SUPT3H: variants seen among roughly 807,000 people sequenced by gnomAD.
SUPT3H encodes the protein transcription initiation protein SPT3 homolog.
Under a neutral mutation model 44.3 loss-of-function variants are expected in SUPT3H, and 44 were observed. The observed-to-expected ratio is 0.99, with a 90% CI of 0.78 to 1.28. The LOEUF (loss-of-function observed/expected upper bound fraction) is 1.28, where lower values mean the gene tolerates loss of function less well. Among genes scored for constraint, SUPT3H ranks in the 50% most tolerant of loss-of-function variants. SUPT3H has a pLI of 0.00. For synonymous variants in SUPT3H, 124 were observed against 125.6 expected (o/e 0.99, Z 0.09); for missense variants, 380 against 387.1 (o/e 0.98, Z 0.15).
At chr6:45,287,685 T>C (rs1456011972) in intron 2 of SUPT3H, among the ~76,000 whole-genome samples, 2 of 152,164 alleles carry the variant, frequency 1.3e-5, no homozygotes, top group Non-Finnish European at 1.5e-5. Flanking sequence ...TGGAGATGAA[T>C]AGGTGTAATG....
intron 5 of SUPT3H, among the ~76,000 whole-genome samples, chr6:45,005,607 A>G (rs989404265): frequency 1.1e-4 from 16 of 151,368 alleles, no homozygotes; most frequent in African/African-American, 3.6e-4. Context: ...AGGCTGAGGC[A>G]GGAGAATCGC....
At chr6:44,957,349 C>T (rs775585324) in intron 7 of SUPT3H, among the ~76,000 whole-genome samples, 1 of 152,102 alleles carries the variant, frequency 6.6e-6, no homozygotes, top group Non-Finnish European at 1.5e-5. Context: ...CCCCTTAAAG[C>T]TATCTCCCCA....
chr6:44,898,731 A>G (rs897196086), intron 10 of SUPT3H: 2 of 152,170 alleles, frequency 1.3e-5, no homozygotes, highest in Non-Finnish European at 2.9e-5. Flanking sequence ...CCTGGACTGC[A>G]CAGCGTGACA....
chr6:44,975,906 A>G (rs550575458), intron 6 of SUPT3H, among the ~76,000 whole-genome samples: 7 of 152,318 alleles, frequency 4.6e-5, no homozygotes, highest in African/African-American at 1.4e-4. Flanking sequence ...AAACAATGCC[A>G]CCAGTGTGGG....
intron 2 of SUPT3H, among the ~76,000 whole-genome samples, chr6:45,260,135 T>C (rs1476076150): frequency 7.9e-5 from 12 of 152,188 alleles, no homozygotes. Flanking sequence ...TTATGTTACA[T>C]GGTATAAAAA....
chr6:44,838,501 G>A (rs1022132463), intron 10 of SUPT3H, among the ~76,000 whole-genome samples: 6 of 152,246 alleles, frequency 3.9e-5, no homozygotes, highest in East Asian at 1.9e-4. Context: ...AGTTGGGGAC[G>A]GGAAGGGGAT....
intron 10 of SUPT3H, among the ~76,000 whole-genome samples, chr6:44,905,209 A>C (rs986934314): frequency 6.8e-4 from 104 of 152,290 alleles, no homozygotes; most frequent in Non-Finnish European, 1.1e-3. Flanking sequence ...ACAGCAAAAG[A>C]AACTACCATC....
At chr6:44,994,838 A>G (rs1305071467) in intron 6 of SUPT3H, among the ~76,000 whole-genome samples, 1 of 152,142 alleles carries the variant, frequency 6.6e-6, no homozygotes, top group African/African-American at 2.4e-5. Context: ...GTGAACTTCA[A>G]TATCAAACCT....
chr6:44,963,805 C>T (rs958913196), intron 6 of SUPT3H, among the ~76,000 whole-genome samples: 1 of 151,996 alleles, frequency 6.6e-6, no homozygotes, highest in Non-Finnish European at 1.5e-5. Context: ...TGAGACCATC[C>T]TGGCTAACAC....
At chr6:45,100,388 T>C (rs544080176) in intron 3 of SUPT3H, among the ~76,000 whole-genome samples, 5 of 150,834 alleles carry the variant, frequency 3.3e-5, no homozygotes, top group Middle Eastern at 3.4e-3. Context: ...ATTAAAAAAA[T>C]AGGCAAAAGA....
At chr6:45,229,145 G>C (rs1767489521) in intron 2 of SUPT3H, among the ~76,000 whole-genome samples, 1 of 151,868 alleles carries the variant, frequency 6.6e-6, no homozygotes, top group South Asian at 2.1e-4. Flanking sequence ...TCATGAGTTT[G>C]GTAAAAACTG....
At chr6:45,042,402 C>A (rs1379665725) in intron 3 of SUPT3H, among the ~76,000 whole-genome samples, 2 of 152,158 alleles carry the variant, frequency 1.3e-5, no homozygotes, top group African/African-American at 2.4e-5. Flanking sequence ...CAGCCTGAGG[C>A]ACAAGAGGGA....
chr6:44,883,242 C>T (rs906993239), intron 10 of SUPT3H, among the ~76,000 whole-genome samples: 1 of 150,136 alleles, frequency 6.7e-6, no homozygotes, highest in African/African-American at 2.4e-5. Context: ...TACACAAACA[C>T]AGAGCCAAAT....
intron 2 of SUPT3H, among the ~76,000 whole-genome samples, chr6:45,120,084 T>C (rs80164710): frequency 0.11 from 17,064 of 151,966 alleles, 1,357 homozygotes; most frequent in East Asian, 0.26. Context: ...TTGAAGAGGT[T>C]AACTAAATTA....
intron 10 of SUPT3H, among the ~76,000 whole-genome samples, chr6:44,887,997 A>ATG (rs1561967778): frequency 1.3e-5 from 2 of 152,122 alleles, no homozygotes; most frequent in Non-Finnish European, 2.9e-5. Flanking sequence ...ACACCTCTAC[A>ATG]CAAATAAACT....
At chr6:45,124,194 T>G (rs1238248575) in intron 2 of SUPT3H, among the ~76,000 whole-genome samples, 1 of 152,170 alleles carries the variant, frequency 6.6e-6, no homozygotes, top group Non-Finnish European at 1.5e-5. Flanking sequence ...TGAGTTAATG[T>G]AAGGATGATG....
In SUPT3H at chr6:45,100,973, G is replaced by A. The variant is rs147050243; in HGVS notation, c.186+4949C>T. ...CCATCAACAGACGAATGGATATCAA[G>A]AATGTGGTATATATTCACAATGAAA... On this transcript the variant is annotated intron_variant, in intron 3 of 10. Transcript: ENST00000371459. Among the ~76,000 whole-genome samples, 1,215 of 152,230 alleles carry A rather than the reference G, an allele frequency of 8.0e-3. 12 individuals are homozygous for A. The highest frequency in any genetic ancestry group is 0.011 in the Non-Finnish European group (723 of 68,034).
chr6:45,064,555 C>T (rs1792875508), intron 3 of SUPT3H, among the ~76,000 whole-genome samples: 1 of 138,676 alleles, frequency 7.2e-6, no homozygotes, highest in Admixed American at 7.3e-5. Flanking sequence ...GTGCTGTATT[C>T]AGGAAACCCA....
chr6:44,914,082 T>C (rs543379516), intron 10 of SUPT3H, among the ~76,000 whole-genome samples: 1 of 152,342 alleles, frequency 6.6e-6, no homozygotes, highest in South Asian at 2.1e-4. Flanking sequence ...ATTGCTCCTT[T>C]GAATACATTT....
Sources: gnomAD v4.1 joint callset for allele counts (sites outside exome capture counted in the v4.1 genomes callset) on GRCh38, gnomAD v4.1.1 for gene constraint, MANE v1.5 for transcripts, NCBI Gene and HGNC (gene_info 2026-07-23, HGNC 2026-07-21) for gene names.